The following TESMIN variants were observed in gnomAD, a reference collection of about 807,000 sequenced individuals.
TESMIN encodes CXC domain containing 2.
In TESMIN, 34 loss-of-function variants were observed where a neutral mutation model predicts 47.4. That is an observed-to-expected ratio of 0.72 (90% CI 0.55 to 0.96). The LOEUF (loss-of-function observed/expected upper bound fraction) is 0.96. TESMIN is among the 40% of genes least tolerant of loss of function. TESMIN has a pLI of 0.00. For synonymous variants in TESMIN, 278 were observed against 258.9 expected, an observed-to-expected ratio of 1.07 and a Z score of -0.71; for missense variants, 610 against 637.2, an observed-to-expected ratio of 0.96 and a Z score of 0.46.
intron 5 of TESMIN, 68 bp downstream of exon 5, chr11:68,742,250 C>A: frequency 1.1e-6 from 1 of 946,310 alleles, no homozygotes; most frequent in Non-Finnish European, 1.6e-6. Context: ...TAATTCCAAC[C>A]ATAACAATCA....
rs1446216773 is a variant in TESMIN at position 68,736,277 on chromosome 11, G to GT, written c.917+2422dup. On this transcript the variant is annotated intron_variant, in intron 6 of 9. Transcript: ENST00000255087. ...TCAGGACAAGGATTTGTATTAAAGA[G>GT]TTTTTATTAATATGATAAGCTAGTT... is the stretch of plus-strand genomic sequence containing the variant. 4 of 985,274 alleles carry GT rather than the reference G, an allele frequency of 4.1e-6. No individual in the cohort carries two copies. The African/African-American group carries it at 7.0e-5, about 17-fold the overall frequency. 61.0% of individuals were successfully genotyped at this position (985,274 alleles called of 1,614,324 possible). A position where few individuals can be genotyped will look rare whatever the true frequency, so the allele number is the denominator to read the frequency against.
intron 6 of TESMIN, chr11:68,736,591 T>C: frequency 1.0e-6 from 1 of 985,334 alleles, no homozygotes; most frequent in African/African-American, 1.7e-5. Flanking sequence ...CCCAATTAAG[T>C]GGAGAGGCAT....
chr11:68,722,727 C>A (rs1946217124), intron 6 of TESMIN, among the ~76,000 whole-genome samples: 1 of 152,152 alleles, frequency 6.6e-6, no homozygotes. Flanking sequence ...TAAAGCATAA[C>A]TCACTAATAC....
At chr11:68,728,929 A>C (rs1239308120) in intron 6 of TESMIN, among the ~76,000 whole-genome samples, 1 of 152,208 alleles carries the variant, frequency 6.6e-6, no homozygotes, top group African/African-American at 2.4e-5. Context: ...CTCATTGACC[A>C]GGTACCTGGC....
intron 4 of TESMIN, among the ~76,000 whole-genome samples, chr11:68,742,841 C>G (rs539742649): frequency 1.8e-4 from 28 of 152,116 alleles, no homozygotes; most frequent in Non-Finnish European, 2.6e-4. Flanking sequence ...ATAGGCATAC[C>G]CAGCTTCGCT....
chr11:68,741,228 C>T (rs1392390833), intron 5 of TESMIN, among the ~76,000 whole-genome samples: 1 of 152,122 alleles, frequency 6.6e-6, no homozygotes, highest in African/African-American at 2.4e-5. Context: ...CCTTGACTTC[C>T]TCCCTGCCCT....
intron 6 of TESMIN, chr11:68,737,298 G>A: frequency 1.0e-6 from 1 of 985,472 alleles, no homozygotes; most frequent in Non-Finnish European, 1.2e-6. Context: ...AGCAAAAGTT[G>A]TCAACAGCCT....
chr11:68,740,565 A>AG (rs1946444060), intron 5 of TESMIN, among the ~76,000 whole-genome samples: 1 of 152,102 alleles, frequency 6.6e-6, no homozygotes, highest in South Asian at 2.1e-4. Flanking sequence ...AGCAGCGTGG[A>AG]GGGGGCCAGA....
intron 6 of TESMIN, among the ~76,000 whole-genome samples, chr11:68,721,347 T>C (rs996520150): frequency 2.0e-5 from 3 of 152,122 alleles, no homozygotes; most frequent in Non-Finnish European, 4.4e-5. Flanking sequence ...CCACCTTCAA[T>C]CTACTTCCAC....
At chr11:68,745,239 C>G (rs1946504802) in intron 3 of TESMIN, 128 bp from the exon 4 acceptor site, 16 of 752,372 alleles carry the variant, frequency 2.1e-5, no homozygotes. Context: ...AGATAGAAAA[C>G]TATAGATCTG....
rs529886347 is a variant in TESMIN at position 68,750,712 on chromosome 11, G to A, written c.-39-13C>T. 1.0e-4 allele frequency: 135 copies of A among 1,344,046 alleles called. No homozygotes were observed. The African/African-American group carries it at 1.8e-3, about 18-fold the overall frequency. The allele number at this position is 1,344,046 out of a possible 1,614,324, so 83.3% of individuals were successfully genotyped here. A position where few individuals can be genotyped will look rare whatever the true frequency, so the allele number is the denominator to read the frequency against. ...GGGGGCCGCGCACCTGCAACACGCG[G>A]CCAGGTGAGAGGCAGCCAGAGGAGA... is the stretch of plus-strand genomic sequence containing the variant. On this transcript the variant is annotated splice_polypyrimidine_tract_variant and intron_variant, in intron 1 of 9. Coordinates refer to ENST00000255087, the MANE Select transcript of TESMIN (RefSeq NM_004923.3).
intron 6 of TESMIN, among the ~76,000 whole-genome samples, chr11:68,717,868 T>A (rs1946158510): frequency 1.3e-5 from 2 of 152,142 alleles, no homozygotes. Context: ...GATATGATAA[T>A]GAACAAATCC....
chr11:68,749,001 A>G (rs1946556328), intron 2 of TESMIN, among the ~76,000 whole-genome samples: 1 of 152,078 alleles, frequency 6.6e-6, no homozygotes, highest in African/African-American at 2.4e-5. Context: ...ACACCCGGTT[A>G]ATTTTTGTAT....
At position 68,708,069 on chromosome 11, in the gene TESMIN, A is replaced by C; in HGVS notation, c.*239T>G. ...GCCCTGCAGACACTCTCCCAGGACT[A>C]TGGGAACCCAAGCTCTCTCCTCTGG... On this transcript the variant is annotated 3_prime_UTR_variant, in exon 10 of 10. Transcript: ENST00000255087. 1 of 504,942 alleles carries C rather than the reference A, an allele frequency of 2.0e-6. No individual in the cohort carries two copies. The allele number at this position is 504,942 out of a possible 1,614,324, so 31.3% of individuals were successfully genotyped here.
rs767568701 is a variant in TESMIN at position 68,742,340 on chromosome 11, T to G, written c.806A>C (p.Lys269Thr). The G allele has an allele frequency of 6.2e-7, 1 of 1,600,868 alleles. No individual in the cohort carries two copies. Among genetic ancestry groups the G allele is most frequent in the Non-Finnish European group, 8.5e-7 (1 of 1,170,906 alleles). ...CACTTGTTGTGTAATGAGATTTAAT[T>G]TTGTTGATGCTGGCAAAAATCTCCC... ...LVGRFLPAST[K>T]LNLITQQLEG... is the part of the protein sequence containing the mutation. Residue 269 changes from lysine (K) to threonine (T), a missense_variant, in exon 5 of 10, where the codon AAA becomes ACA. Transcript: ENST00000255087.
Position 68,749,915 on chromosome 11 carries a change from G to A in TESMIN, c.471+275C>T, listed in dbSNP as rs1462260290. ...ACGTCCTAGCTTTCCCCCTTTTTTT[G>A]TTGTCCGCCGTCTGCATGGTTAGGT... On this transcript the variant is annotated intron_variant, in intron 2 of 9. Transcript: ENST00000255087. 3.9e-5 allele frequency among the ~76,000 whole-genome samples: 6 copies of A among 152,132 alleles called. No individual in the cohort carries two copies. The East Asian group carries it at 1.2e-3, about 29-fold the overall frequency.
intron 6 of TESMIN, among the ~76,000 whole-genome samples, chr11:68,725,185 C>T (rs1026557660): frequency 3.9e-5 from 6 of 152,248 alleles, no homozygotes; most frequent in African/African-American, 1.2e-4. Flanking sequence ...TGAGAGCTGA[C>T]GGGGCTGCAC....
intron 6 of TESMIN, among the ~76,000 whole-genome samples, chr11:68,722,842 T>C (rs1946218703): frequency 6.6e-6 from 1 of 152,160 alleles, no homozygotes; most frequent in South Asian, 2.1e-4. Flanking sequence ...TAACAACTGA[T>C]GGAATAATTC....
chr11:68,735,196 C>T (rs1946373133), intron 6 of TESMIN, among the ~76,000 whole-genome samples: 1 of 152,142 alleles, frequency 6.6e-6, no homozygotes, highest in South Asian at 2.1e-4. Context: ...TATCCTGCCA[C>T]CTGGCCTGTC....
Sources: gnomAD v4.1 joint callset for allele counts (sites outside exome capture counted in the v4.1 genomes callset) on GRCh38, gnomAD v4.1.1 for gene constraint, MANE v1.5 for transcripts, NCBI Gene and HGNC (gene_info 2026-07-23, HGNC 2026-07-21) for gene names.